The following ASAP1 variants were observed in gnomAD, a reference collection of about 807,000 sequenced individuals.
ASAP1 encodes the protein arf-GAP with SH3 domain, ANK repeat and PH domain-containing protein 1.
ASAP1 carries 43 observed loss-of-function variants against 145.2 expected under a neutral mutation model. The observed-to-expected ratio is 0.30, with a 90% confidence interval of 0.23 to 0.38. ASAP1 has a LOEUF of 0.38. ASAP1 is among the 10% of genes least tolerant of loss of function. The probability of loss-of-function intolerance (pLI) is 1.00; values close to 1 mark genes in which losing one functional copy is unlikely to be tolerated. For missense variants in ASAP1, 1,018 were observed against 1,355.3 expected (o/e 0.75, Z 3.91); for synonymous variants, 546 against 515.5 (o/e 1.06, Z -0.80).
intron 13 of ASAP1, among the ~76,000 whole-genome samples, chr8:130,142,881 G>T (rs748991238): frequency 3.3e-5 from 5 of 151,992 alleles, no homozygotes; most frequent in East Asian, 1.9e-4. Context: ...GTGGGGTGGT[G>T]GGGGGGCAGT....
intron 4 of ASAP1, among the ~76,000 whole-genome samples, chr8:130,234,323 A>T (rs951368202): frequency 6.6e-6 from 1 of 152,130 alleles, no homozygotes; most frequent in Non-Finnish European, 1.5e-5. Flanking sequence ...ATTTAAAACC[A>T]TATCTCACCA....
rs982603103 is a variant in ASAP1 at position 130,112,390 on chromosome 8, G to A, written c.2173-68C>T. ...CCCTTCATGTGTACAGAGGGCCTCC[G>A]CAGGGCGGGCTCAGGTGGGAATCTG... On this transcript the variant is annotated intron_variant, in intron 23 of 29. Coordinates refer to ENST00000518721, the MANE Select transcript of ASAP1 (RefSeq NM_018482.4). 1.4e-5 allele frequency: 19 copies of A among 1,394,526 alleles called. 1 individual carries two copies. The South Asian group carries it at 1.8e-4, about 14-fold the overall frequency. 86.4% of individuals were successfully genotyped at this position (1,394,526 alleles called of 1,614,324 possible). A position where few individuals can be genotyped will look rare whatever the true frequency, so the allele number is the denominator to read the frequency against.
intron 24 of ASAP1, among the ~76,000 whole-genome samples, chr8:130,104,211 G>A (rs2097533396): frequency 6.6e-6 from 1 of 152,194 alleles, no homozygotes; most frequent in African/African-American, 2.4e-5. Context: ...GGAATAAATA[G>A]TAACTTCTCT....
At chr8:130,441,695 T>C (rs1830492821) in intron 1 of ASAP1, among the ~76,000 whole-genome samples, 1 of 152,190 alleles carries the variant, frequency 6.6e-6, no homozygotes, top group South Asian at 2.1e-4. Flanking sequence ...TGCACTGATT[T>C]TGAAAATCTG....
At chr8:130,215,086 G>C (rs546757265) in intron 4 of ASAP1, among the ~76,000 whole-genome samples, 1 of 152,002 alleles carries the variant, frequency 6.6e-6, no homozygotes, top group African/African-American at 2.4e-5. Flanking sequence ...ATTTTTAGTA[G>C]AGACAGGGTT....
At chr8:130,150,727 A>C (rs2097644252) in intron 13 of ASAP1, among the ~76,000 whole-genome samples, 1 of 152,152 alleles carries the variant, frequency 6.6e-6, no homozygotes, top group Non-Finnish European at 1.5e-5. Context: ...AAAAAATACC[A>C]AAATTAGCTG....
At chr8:130,323,246 A>G (rs1233691050) in intron 3 of ASAP1, among the ~76,000 whole-genome samples, 1 of 152,212 alleles carries the variant, frequency 6.6e-6, no homozygotes, top group East Asian at 1.9e-4. Context: ...ATGCCGTTCT[A>G]TTCAAGCCTG....
intron 3 of ASAP1, among the ~76,000 whole-genome samples, chr8:130,245,941 C>T (rs553095463): frequency 2.4e-4 from 36 of 152,132 alleles, no homozygotes; most frequent in East Asian, 7.7e-4. Context: ...CTAATCGCCC[C>T]GGGACTCTTG....
chr8:130,347,802 A>G (rs2138007614), intron 3 of ASAP1, among the ~76,000 whole-genome samples: 1 of 152,302 alleles, frequency 6.6e-6, no homozygotes, highest in African/African-American at 2.4e-5. Context: ...ATTTGGTGCG[A>G]GCTGCCTTCA....
At chr8:130,179,122 T>C (rs1814172252) in intron 9 of ASAP1, 142 bp downstream of exon 9, 1 of 529,056 alleles carries the variant, frequency 1.9e-6, no homozygotes, top group Non-Finnish European at 3.4e-6. Context: ...ACACTATTTC[T>C]TATCCATTTA....
At chr8:130,247,291 T>C (rs1011794696) in intron 3 of ASAP1, among the ~76,000 whole-genome samples, 2 of 152,196 alleles carry the variant, frequency 1.3e-5, no homozygotes, top group Non-Finnish European at 2.9e-5. Flanking sequence ...AATGTGACAT[T>C]GCCATTAATC....
intron 3 of ASAP1, among the ~76,000 whole-genome samples, chr8:130,257,419 A>G (rs958246394): frequency 3.3e-5 from 5 of 152,194 alleles, no homozygotes; most frequent in Non-Finnish European, 7.4e-5. Context: ...ATGTTTCACA[A>G]AGCACTACTC....
chr8:130,298,567 T>A lies in ASAP1; in HGVS notation c.186+59450A>T, dbSNP rs534915913. 1.4e-4 allele frequency among the ~76,000 whole-genome samples: 22 copies of A among 152,322 alleles called. No homozygotes were observed. In the East Asian group the frequency reaches 4.0e-3, roughly 28 times the overall value. On this transcript the variant is annotated intron_variant, in intron 3 of 29. Coordinates refer to ENST00000518721, the MANE Select transcript of ASAP1 (RefSeq NM_018482.4). ...CACAATGGTCCTTCTAAAAAGCAAA[T>A]CAGAGCATGCCAATCCTTTGCTTCA... is the stretch of plus-strand genomic sequence containing the variant.
intron 18 of ASAP1, among the ~76,000 whole-genome samples, chr8:130,120,607 A>G (rs990594634): frequency 2.0e-5 from 3 of 152,210 alleles, no homozygotes; most frequent in African/African-American, 7.2e-5. Flanking sequence ...GTTTCCATGC[A>G]TTCATCTGCG....
In ASAP1 at chr8:130,138,627, G is replaced by A. The variant is rs371629515; in HGVS notation, c.1081-1589C>T. 3.0e-3 allele frequency among the ~76,000 whole-genome samples: 460 copies of A among 152,040 alleles called. 1 individual carries two copies. Among genetic ancestry groups the A allele is most frequent in the African/African-American group, 0.011 (444 of 41,470 alleles). ...TGAGGTGGGTGGATCACCTGAGGTC[G>A]GGAGTTCCAGACCCGCCTGATCAAC... On this transcript the variant is annotated intron_variant, in intron 13 of 29. Coordinates refer to ENST00000518721, the MANE Select transcript of ASAP1 (RefSeq NM_018482.4).
At chr8:130,255,682 AAT>A (rs1315509668) in intron 3 of ASAP1, among the ~76,000 whole-genome samples, 1 of 152,200 alleles carries the variant, frequency 6.6e-6, no homozygotes. Context: ...TGTGTTTAAA[AAT>A]ATGATTATGA....
chr8:130,136,370 G>C (rs2097594813), intron 14 of ASAP1, among the ~76,000 whole-genome samples: 1 of 152,190 alleles, frequency 6.6e-6, no homozygotes. Flanking sequence ...ACAGGGTGCA[G>C]TGCCATCAAT....
chr8:130,159,549 GA>G (rs869060434), intron 12 of ASAP1, among the ~76,000 whole-genome samples: 2,402 of 84,174 alleles, frequency 0.029, 25 homozygotes, highest in East Asian at 0.075. Flanking sequence ...GTGAACTCAG[GA>G]AAAAAAAAAA....
intron 3 of ASAP1, among the ~76,000 whole-genome samples, chr8:130,274,294 T>C (rs919519026): frequency 6.6e-6 from 1 of 152,224 alleles, no homozygotes; most frequent in African/African-American, 2.4e-5. Flanking sequence ...GCATGAAAGA[T>C]GGAGGTTCAA....
Sources: allele counts gnomAD v4.1 joint callset (sites outside exome capture counted in the v4.1 genomes callset), GRCh38; gene constraint gnomAD v4.1.1; transcripts MANE v1.5; gene names NCBI Gene and HGNC (gene_info 2026-07-23, HGNC 2026-07-21).